PSG11: variants seen among roughly 807,000 people sequenced by gnomAD.
PSG11 encodes the protein pregnancy specific beta-1-glycoprotein 11.
A neutral mutation model predicts 36.0 loss-of-function variants in PSG11; 42 were observed. The ratio of observed to expected loss-of-function variants is 1.17; its 90% CI spans 0.91 to 1.51. The LOEUF (loss-of-function observed/expected upper bound fraction) is 1.51. PSG11 is among the 40% of genes most tolerant of loss of function. The pLI is 0.00. For synonymous variants in PSG11, 206 were observed against 153.5 expected (o/e 1.34, Z -2.53); for missense variants, 558 against 403.5 (o/e 1.38, Z -3.28).
intron 3 of PSG11, chr19:43,015,952 T>C (rs1399060029): frequency 3.1e-6 from 5 of 1,610,108 alleles, no homozygotes; most frequent in Admixed American, 1.7e-5. Flanking sequence ...GTAGGCATAG[T>C]TCTCACTCTT....
Position 43,007,843 on chromosome 19 carries a change from T to C in PSG11, c.*240A>G, listed in dbSNP as rs144350330. On this transcript the variant is annotated 3_prime_UTR_variant, in exon 6 of 6. Transcript: ENST00000320078. ...AAACATTCAAAAAATCAGCACATTT[T>C]CCAATAAAAAATTATGAAAACATTA... is the stretch of plus-strand genomic sequence containing the variant. The C allele has an allele frequency of 0.015, 4,683 of 317,664 alleles. 323 individuals carry two copies. Among genetic ancestry groups the C allele is most frequent in the African/African-American group, 0.094 (4,334 of 46,040 alleles). The allele number at this position is 317,664 out of a possible 1,614,324, so 19.7% of individuals were successfully genotyped here. A position where few individuals can be genotyped will look rare whatever the true frequency, so the allele number is the denominator to read the frequency against.
In PSG11 at chr19:43,013,078, G is replaced by T. The variant is rs940502488; in HGVS notation, c.964+2038C>A. 2.6e-4 allele frequency among the ~76,000 whole-genome samples: 40 copies of T among 151,398 alleles called. 1 individual carries two copies. Among genetic ancestry groups the T allele is most frequent in the Admixed American group, 1.5e-3 (23 of 15,156 alleles). On this transcript the variant is annotated intron_variant, in intron 4 of 5. Transcript: ENST00000320078. Reference sequence around the variant, plus strand: ...TATTGGGAAAGCTGGATATCCAAGGGCAAGAAGAGTGGAACCTTTACCTAA... The same window carrying T: ...TATTGGGAAAGCTGGATATCCAAGGTCAAGAAGAGTGGAACCTTTACCTAA...
chr19:43,016,369 C>G (rs1430342061), intron 3 of PSG11, among the ~76,000 whole-genome samples: 1 of 151,196 alleles, frequency 6.6e-6, no homozygotes, highest in Non-Finnish European at 1.5e-5. Context: ...GGCTGGCTCA[C>G]CTTGGGTTCC....
At chr19:43,025,926 T>C in intron 1 of PSG11, among the ~76,000 whole-genome samples, 1 of 133,708 alleles carries the variant, frequency 7.5e-6, no homozygotes, top group South Asian at 2.4e-4. Flanking sequence ...CTTTTTTTTT[T>C]TTTTTTTCTC....
At chr19:43,020,737 C>T (rs1378471408) in intron 2 of PSG11, among the ~76,000 whole-genome samples, 2 of 151,144 alleles carry the variant, frequency 1.3e-5, no homozygotes. Context: ...CTGGTCAGTG[C>T]ATCAATTACA....
chr19:43,018,561 C>G (rs956809370), intron 3 of PSG11: 1 of 1,188,330 alleles, frequency 8.4e-7, no homozygotes, highest in African/African-American at 1.6e-5. Flanking sequence ...GGACCCTGAG[C>G]CTCCCATGAC....
At position 43,022,578 on chromosome 19, in the gene PSG11, A is replaced by G. The variant is rs186774262; in HGVS notation, c.430+2113T>C. On this transcript the variant is annotated intron_variant, in intron 2 of 5. Transcript: ENST00000320078. ...GGAGTCATTAAAATCTTTCTTTACT[A>G]AAAATCACCATTTCAATAAATTTGT... is the stretch of plus-strand genomic sequence containing the variant. Among the ~76,000 whole-genome samples, 109 of 151,346 alleles carry G rather than the reference A, an allele frequency of 7.2e-4. 7 individuals are homozygous for G. The highest frequency in any genetic ancestry group is 2.6e-3 in the African/African-American group (108 of 41,062).
chr19:43,008,080 A>T, intron 5 of PSG11, 38 bp from the exon 6 acceptor site: 1 of 348,832 alleles, frequency 2.9e-6, no homozygotes, highest in Non-Finnish European at 5.5e-6. Context: ...AGCTGATTTT[A>T]AATACTTTGA....
intron 3 of PSG11, chr19:43,015,740 C>T: frequency 6.3e-7 from 1 of 1,589,362 alleles, no homozygotes; most frequent in Non-Finnish European, 8.6e-7. Flanking sequence ...AAGCTGGTGT[C>T]CTGGCCCACA....
At chr19:43,020,097 G>A (rs1336544308) in intron 2 of PSG11, among the ~76,000 whole-genome samples, 1 of 151,396 alleles carries the variant, frequency 6.6e-6, no homozygotes. Flanking sequence ...GCTGGGATCA[G>A]GGGAATTGGG....
chr19:43,009,864 T>C, intron 5 of PSG11, 94 bp downstream of exon 5: 2 of 986,420 alleles, frequency 2.0e-6, no homozygotes, highest in Non-Finnish European at 3.2e-6. Flanking sequence ...AAGGAGGAGA[T>C]CCAGGCCCAG....
chr19:43,018,306 T>G, intron 3 of PSG11: 1 of 238,708 alleles, frequency 4.2e-6, no homozygotes. Flanking sequence ...ACAGGAGAGC[T>G]TGGGGACTTC....
intron 5 of PSG11, among the ~76,000 whole-genome samples, chr19:43,009,219 G>A (rs1974009672): frequency 6.6e-6 from 1 of 151,392 alleles, no homozygotes; most frequent in Admixed American, 6.6e-5. Flanking sequence ...GTTGTGTCCT[G>A]AGTCTCAGGT....
At position 43,026,422 on chromosome 19, in the gene PSG11, A is replaced by G. The variant is rs1343954446; in HGVS notation, c.-50T>C. The G allele has an allele frequency of 6.3e-7, 1 of 1,597,676 alleles. No homozygotes were observed. Among genetic ancestry groups the G allele is most frequent in the South Asian group, 1.1e-5 (1 of 90,032 alleles). The stretch of plus-strand genomic sequence containing the variant: ...CTCTGTGGAGATGAGCCTAGGATCC[A>G]GAAGCTTCCAGAGCACGGCTGTCAG... On this transcript the variant is annotated 5_prime_UTR_variant, in exon 1 of 6. Transcript: ENST00000320078.
rs554434543 is a variant in PSG11, at chr19:43,010,338, C to T, written c.965-297G>A. ...TTTCTATGTCATTGGAACTTGTCAC[C>T]TTTGCACCTTTTCATGGTTGCATCT... On this transcript the variant is annotated intron_variant, in intron 4 of 5. Transcript: ENST00000320078. 3.3e-6 allele frequency: 5 copies of T among 1,522,444 alleles called. No individual in the cohort carries two copies. In the African/African-American group the frequency reaches 5.6e-5, roughly 17 times the overall value. 94.3% of individuals were successfully genotyped at this position (1,522,444 alleles called of 1,614,324 possible).
chr19:43,008,602 C>A (rs1973992127), intron 5 of PSG11, among the ~76,000 whole-genome samples: 1 of 151,152 alleles, frequency 6.6e-6, no homozygotes, highest in African/African-American at 2.4e-5. Flanking sequence ...TTAACATTCC[C>A]ATAAATATTA....
intron 4 of PSG11, chr19:43,014,371 G>C (rs993112558): frequency 1.1e-5 from 10 of 931,596 alleles, no homozygotes; most frequent in Non-Finnish European, 1.3e-5. Flanking sequence ...CTCTGCATCA[G>C]TCACTGTACT....
chr19:43,024,017 A>G (rs986663438), intron 2 of PSG11, among the ~76,000 whole-genome samples: 4 of 151,244 alleles, frequency 2.6e-5, no homozygotes, highest in African/African-American at 9.8e-5. Context: ...AGGACATTAG[A>G]CTTTCTATGG....
In PSG11 at chr19:43,010,006, G is replaced by C; in HGVS notation, c.1000C>G (p.Pro334Ala). The change falls in exon 5 of 6, where the codon CCA (proline) becomes GCA (alanine). Residue 334 changes from proline to alanine, a missense_variant. By Grantham distance (27) the Pro-to-Ala change is conservative. Transcript: ENST00000320078. ...PGLGTFAFNNPT is the reference protein window; with the variant it reads ...PGLGTFAFNNAT ...AAATGACATCACGGCTGCTACGTTG[G>C]ATTATTGAAAGCAAAAGTTCCTAAT... The C allele has an allele frequency of 6.2e-7, 1 of 1,608,984 alleles. No homozygotes were observed.
Sources: gnomAD v4.1 joint callset for allele counts (sites outside exome capture counted in the v4.1 genomes callset) on GRCh38, gnomAD v4.1.1 for gene constraint, MANE v1.5 for transcripts, NCBI Gene and HGNC (gene_info 2026-07-23, HGNC 2026-07-21) for gene names.